The following PRORP variants were observed in gnomAD, a reference collection of about 807,000 sequenced individuals.
The protein encoded by PRORP is protein only RNase P catalytic subunit.
In PRORP, 51 loss-of-function variants were observed where a neutral mutation model predicts 59.4. That is an observed-to-expected ratio of 0.86 (90% CI 0.69 to 1.08). The LOEUF (loss-of-function observed/expected upper bound fraction) is 1.08. Ranked by LOEUF, PRORP falls within the 50% of genes least tolerant of loss-of-function variation. The probability of loss-of-function intolerance (pLI) is 0.00; values close to 1 mark genes in which losing one functional copy is unlikely to be tolerated. For missense variants in PRORP, 646 were observed against 690.3 expected, an observed-to-expected ratio of 0.94 and a Z score of 0.72; for synonymous variants, 231 against 245.6, an observed-to-expected ratio of 0.94 and a Z score of 0.55.
intron 7 of PRORP, among the ~76,000 whole-genome samples, chr14:35,272,457 A>G (rs2051217462): frequency 6.6e-6 from 1 of 152,206 alleles, no homozygotes; most frequent in African/African-American, 2.4e-5. Flanking sequence ...TATAAAAGTA[A>G]GTAAATAAGA....
Position 35,123,177 on chromosome 14 carries a change from T to G in PRORP, c.-69T>G. 1 of 1,503,530 alleles carries G rather than the reference T, an allele frequency of 6.7e-7. No homozygotes were observed. Among genetic ancestry groups the G allele is most frequent in the Non-Finnish European group, 8.9e-7 (1 of 1,119,450 alleles). 93.1% of individuals were successfully genotyped at this position (1,503,530 alleles called of 1,614,324 possible). A position where few individuals can be genotyped will look rare whatever the true frequency, so the allele number is the denominator to read the frequency against. ...TCTGCACCGCCGACCCCCAATCTCT[T>G]TAATTTTGCCATAGAAGAGGGGTTT... On this transcript the variant is annotated 5_prime_UTR_variant, in exon 2 of 8. Transcript: ENST00000534898.
At chr14:35,217,321 T>C (rs1566503673) in intron 5 of PRORP, among the ~76,000 whole-genome samples, 1 of 152,020 alleles carries the variant, frequency 6.6e-6, no homozygotes, top group Non-Finnish European at 1.5e-5. Flanking sequence ...GCCAACATGG[T>C]GAAACCCCAT....
chr14:35,249,874 A>C (rs970716627), intron 5 of PRORP, among the ~76,000 whole-genome samples: 1 of 152,220 alleles, frequency 6.6e-6, no homozygotes, highest in Non-Finnish European at 1.5e-5. Context: ...AACTATAGCT[A>C]TGTGAATGTG....
intron 4 of PRORP, among the ~76,000 whole-genome samples, chr14:35,157,122 AT>A (rs1304203976): frequency 2.6e-5 from 4 of 151,510 alleles, no homozygotes; most frequent in African/African-American, 9.7e-5. Flanking sequence ...CGCCCAGCTA[AT>A]TTTTTTTATT....
intron 6 of PRORP, among the ~76,000 whole-genome samples, chr14:35,268,326 C>T (rs1345832744): frequency 1.7e-5 from 2 of 118,406 alleles, no homozygotes; most frequent in East Asian, 2.7e-4. Flanking sequence ...GCCTGGGTTA[C>T]GGAGTGAGAC....
chr14:35,256,402 G>C (rs2050761396), intron 5 of PRORP, among the ~76,000 whole-genome samples: 1 of 122,786 alleles, frequency 8.1e-6, no homozygotes, highest in South Asian at 2.8e-4. Flanking sequence ...TGCAATCTCA[G>C]CTCACTGCAG....
At chr14:35,166,793 G>A (rs2048195978) in intron 4 of PRORP, among the ~76,000 whole-genome samples, 1 of 152,028 alleles carries the variant, frequency 6.6e-6, no homozygotes, top group Non-Finnish European at 1.5e-5. Context: ...ATCTTTCATT[G>A]GCCTGTGATA....
rs2051281763 is a variant in PRORP at position 35,275,424 on chromosome 14, T to C, written c.*1858T>C. 1 of 151,916 alleles carries C rather than the reference T, an allele frequency of 6.6e-6. No homozygotes were observed. Among genetic ancestry groups the C allele is most frequent in the Non-Finnish European group, 1.5e-5 (1 of 67,968 alleles). The allele number at this position is 151,916 out of a possible 1,614,324, so 9.4% of individuals were successfully genotyped here. A position where few individuals can be genotyped will look rare whatever the true frequency, so the allele number is the denominator to read the frequency against. The stretch of plus-strand genomic sequence containing the variant: ...TTACTGCACACCAAGACAAAAGAGC[T>C]CTCCAGGAAAACATTGGATATATTG... On this transcript the variant is annotated 3_prime_UTR_variant, in exon 8 of 8. Coordinates refer to ENST00000534898, the MANE Select transcript of PRORP (RefSeq NM_014672.4).
chr14:35,231,643 T>A (rs954518345), intron 5 of PRORP, among the ~76,000 whole-genome samples: 1 of 152,186 alleles, frequency 6.6e-6, no homozygotes, highest in Non-Finnish European at 1.5e-5. Context: ...GGAGTAGTCA[T>A]AGTAGGACAG....
At chr14:35,254,423 G>A (rs754971493) in intron 5 of PRORP, among the ~76,000 whole-genome samples, 2 of 151,862 alleles carry the variant, frequency 1.3e-5, no homozygotes, top group African/African-American at 4.8e-5. Flanking sequence ...ATGGAGTTTC[G>A]CTCTTGTTGC....
intron 5 of PRORP, among the ~76,000 whole-genome samples, chr14:35,258,069 AT>A (rs2050803796): frequency 6.6e-6 from 1 of 150,740 alleles, no homozygotes; most frequent in Non-Finnish European, 1.5e-5. Context: ...AAAAAAAAAA[AT>A]CTCTTATCTC....
At position 35,139,936 on chromosome 14, in the gene PRORP, A is replaced by C. The variant is rs1356917498; in HGVS notation, c.1167+12325A>C. 3.4e-5 allele frequency among the ~76,000 whole-genome samples: 5 copies of C among 145,468 alleles called. No homozygotes were observed. In the Admixed American group the frequency reaches 3.6e-4, roughly 10 times the overall value. ...ATGGTGTTCCTTGGCTTTTAGCTGC[A>C]TCACTCCATTCTCTGCGTCTGTCTT... On this transcript the variant is annotated intron_variant, in intron 4 of 7. Coordinates refer to ENST00000534898, the MANE Select transcript of PRORP (RefSeq NM_014672.4).
At chr14:35,125,565 C>T (rs894012055) in intron 2 of PRORP, among the ~76,000 whole-genome samples, 4 of 152,230 alleles carry the variant, frequency 2.6e-5, no homozygotes, top group African/African-American at 9.6e-5. Flanking sequence ...TGTTCCTTCC[C>T]TCTGTTTTTC....
chr14:35,216,246 A>G (rs1170998743), intron 5 of PRORP, among the ~76,000 whole-genome samples: 2 of 147,816 alleles, frequency 1.4e-5, no homozygotes, highest in Admixed American at 1.4e-4. Flanking sequence ...TTGAGAAAAT[A>G]TATAAATTAT....
intron 5 of PRORP, among the ~76,000 whole-genome samples, chr14:35,236,992 T>A (rs2050234570): frequency 6.7e-6 from 1 of 149,064 alleles, no homozygotes. Context: ...CCTCCCTCCC[T>A]CCTTCCCTCC....
At chr14:35,196,451 T>G (rs2049011920) in intron 5 of PRORP, among the ~76,000 whole-genome samples, 1 of 152,182 alleles carries the variant, frequency 6.6e-6, no homozygotes, top group Non-Finnish European at 1.5e-5. Context: ...GAGCCGTGAT[T>G]GCGCTGATGC....
At chr14:35,166,890 T>G (rs1316440592) in intron 4 of PRORP, among the ~76,000 whole-genome samples, 1 of 152,228 alleles carries the variant, frequency 6.6e-6, no homozygotes, top group African/African-American at 2.4e-5. Context: ...CAGAGTGTAC[T>G]TACCCCTTCA....
At chr14:35,253,484 G>A (rs1174236085) in intron 5 of PRORP, among the ~76,000 whole-genome samples, 1 of 152,142 alleles carries the variant, frequency 6.6e-6, no homozygotes, top group African/African-American at 2.4e-5. Flanking sequence ...TCTGGGAGAT[G>A]GGATTTTGAA....
intron 5 of PRORP, among the ~76,000 whole-genome samples, chr14:35,195,142 C>T (rs2048977607): frequency 6.6e-6 from 1 of 152,034 alleles, no homozygotes; most frequent in Non-Finnish European, 1.5e-5. Flanking sequence ...CTCTTTTATG[C>T]CATACGTGGG....
Sources: gnomAD v4.1 joint callset for allele counts (sites outside exome capture counted in the v4.1 genomes callset) on GRCh38, gnomAD v4.1.1 for gene constraint, MANE v1.5 for transcripts, NCBI Gene and HGNC (gene_info 2026-07-23, HGNC 2026-07-21) for gene names.